DPF3: variants seen among roughly 807,000 people sequenced by gnomAD.
DPF3 encodes the protein double PHD fingers 3, also known as zinc finger protein DPF3.
DPF3 carries 18 observed loss-of-function variants against 56.8 expected under a neutral mutation model. That is an observed-to-expected ratio of 0.32 (90% CI 0.22 to 0.47). DPF3 has a LOEUF of 0.47. Among genes scored for constraint, DPF3 ranks in the 20% least tolerant of loss-of-function variants. The probability of loss-of-function intolerance (pLI) is 1.00; values close to 1 mark genes in which losing one functional copy is unlikely to be tolerated. For synonymous variants in DPF3, 188 were observed against 180.2 expected, an observed-to-expected ratio of 1.04 and a Z score of -0.35; for missense variants, 403 against 488.8, an observed-to-expected ratio of 0.82 and a Z score of 1.65.
intron 8 of DPF3, among the ~76,000 whole-genome samples, chr14:72,632,481 T>C (rs1599318693): frequency 1.3e-5 from 2 of 151,940 alleles, no homozygotes; most frequent in South Asian, 4.2e-4. Flanking sequence ...GCTATAATTA[T>C]GTCAAAATAA....
intron 1 of DPF3, among the ~76,000 whole-genome samples, chr14:72,849,191 A>G (rs1223104302): frequency 6.6e-6 from 1 of 152,082 alleles, no homozygotes; most frequent in Non-Finnish European, 1.5e-5. Context: ...AATATTCCCC[A>G]CTATGGTTAT....
intron 8 of DPF3, chr14:72,662,577 G>GA (rs923464374): frequency 1.2e-4 from 121 of 974,058 alleles, no homozygotes; most frequent in Middle Eastern, 5.2e-4. Flanking sequence ...GATTTAAAAA[G>GA]AAAAAAAAAA....
intron 7 of DPF3, among the ~76,000 whole-genome samples, chr14:72,688,954 G>C (rs1286898246): frequency 6.6e-6 from 1 of 152,140 alleles, no homozygotes; most frequent in Non-Finnish European, 1.5e-5. Context: ...CACAGGAAAG[G>C]GGACAAACGT....
intron 7 of DPF3, among the ~76,000 whole-genome samples, chr14:72,683,144 T>C (rs368916687): frequency 6.6e-6 from 1 of 151,848 alleles, no homozygotes; most frequent in Admixed American, 6.5e-5. Context: ...CTGGCTAACA[T>C]AGCAAAACCC....
intron 9 of DPF3, among the ~76,000 whole-genome samples, chr14:72,626,890 T>C (rs1457369579): frequency 6.6e-6 from 1 of 152,052 alleles, no homozygotes; most frequent in African/African-American, 2.4e-5. Flanking sequence ...AGAAATGATA[T>C]CTCAGCTTTG....
chr14:72,843,543 AT>A (rs890436324), intron 1 of DPF3, among the ~76,000 whole-genome samples: 2 of 151,930 alleles, frequency 1.3e-5, no homozygotes, highest in Admixed American at 6.6e-5. Flanking sequence ...GCTGCTAACA[AT>A]TTTTTTCTCT....
At chr14:72,628,353 G>A (rs1269932738) in intron 9 of DPF3, among the ~76,000 whole-genome samples, 1 of 151,836 alleles carries the variant, frequency 6.6e-6, no homozygotes, top group Non-Finnish European at 1.5e-5. Flanking sequence ...TTTTAAAACT[G>A]ACAAAGGGAA....
intron 2 of DPF3, among the ~76,000 whole-genome samples, chr14:72,755,340 G>C (rs1407459257): frequency 6.6e-6 from 1 of 152,162 alleles, no homozygotes; most frequent in Admixed American, 6.5e-5. Flanking sequence ...ACTCTGCTTG[G>C]AGCTTTAGAC....
At chr14:72,838,631 G>A (rs529763729) in intron 1 of DPF3, among the ~76,000 whole-genome samples, 49 of 151,652 alleles carry the variant, frequency 3.2e-4, no homozygotes, top group African/African-American at 1.1e-3. Flanking sequence ...CCGAGGTGGC[G>A]GTGTAATCCC....
At chr14:72,815,097 G>A (rs1883228092) in intron 1 of DPF3, among the ~76,000 whole-genome samples, 2 of 152,102 alleles carry the variant, frequency 1.3e-5, no homozygotes, top group Admixed American at 6.5e-5. Context: ...GATAAAGGAT[G>A]TTTAGTCAGA....
Position 72,856,355 on chromosome 14 carries a change from C to T in DPF3, c.32+37702G>A, listed in dbSNP as rs187570069. On this transcript the variant is annotated intron_variant, in intron 1 of 10. Coordinates refer to ENST00000556509, the MANE Select transcript of DPF3 (RefSeq NM_001280542.3). ...CATCCATCTTGCAGCCAGCAGGACT[C>T]CCAGCCAGAACATTGTCAATTTACT... 1.4e-3 allele frequency among the ~76,000 whole-genome samples: 220 copies of T among 152,310 alleles called. 2 individuals are homozygous for T. Among genetic ancestry groups the T allele is most frequent in the Non-Finnish European group, 2.9e-4 (20 of 68,034 alleles).
intron 1 of DPF3, among the ~76,000 whole-genome samples, chr14:72,838,905 A>ATTTTTTTTTTTT (rs1409942522): frequency 1.6e-5 from 1 of 64,480 alleles, no homozygotes; most frequent in African/African-American, 6.7e-5. Context: ...TATCATATAT[A>ATTTTTTTTTTTT]TTCTTTTTTT....
intron 6 of DPF3, among the ~76,000 whole-genome samples, chr14:72,702,884 C>T (rs2153574311): frequency 6.6e-6 from 1 of 151,714 alleles, no homozygotes; most frequent in East Asian, 1.9e-4. Context: ...TCTCCTCCCT[C>T]CCCTGCCCTT....
chr14:72,876,426 T>C (rs547868839), intron 1 of DPF3, among the ~76,000 whole-genome samples: 1 of 152,264 alleles, frequency 6.6e-6, no homozygotes, highest in East Asian at 1.9e-4. Flanking sequence ...GCCTCTCTTT[T>C]GGACGATGAG....
At chr14:72,876,708 C>G (rs966976822) in intron 1 of DPF3, among the ~76,000 whole-genome samples, 1 of 152,202 alleles carries the variant, frequency 6.6e-6, no homozygotes, top group African/African-American at 2.4e-5. Flanking sequence ...GCCTCACCCT[C>G]CCGAGCCTAA....
At chr14:72,723,881 T>C (rs1889286863) in intron 4 of DPF3, 153 bp from the exon 5 acceptor site, 2 of 684,962 alleles carry the variant, frequency 2.9e-6, no homozygotes, top group South Asian at 4.0e-5. Flanking sequence ...TCTGAAATGC[T>C]GTCTGGAGTT....
rs1474424315 is a variant in DPF3, at chr14:72,849,050, G to A, written c.32+45007C>T. Reference sequence around the variant, plus strand: ...ATGAACAAACCAGGCCCCCAAAAAAGTTAAATAACTTGCCCTAGCTGCATG... The same window carrying A: ...ATGAACAAACCAGGCCCCCAAAAAAATTAAATAACTTGCCCTAGCTGCATG... On this transcript the variant is annotated intron_variant, in intron 1 of 10. Coordinates refer to ENST00000556509, the MANE Select transcript of DPF3 (RefSeq NM_001280542.3). 2.6e-5 allele frequency among the ~76,000 whole-genome samples: 4 copies of A among 152,280 alleles called. No homozygotes were observed. In the East Asian group the frequency reaches 7.7e-4, roughly 29 times the overall value.
chr14:72,689,756 G>A (rs1223721064), intron 7 of DPF3, among the ~76,000 whole-genome samples: 1 of 152,176 alleles, frequency 6.6e-6, no homozygotes, highest in Non-Finnish European at 1.5e-5. Context: ...CGTGTGTGGT[G>A]CAGAGAACCT....
At chr14:72,687,845 G>C (rs1887478684) in intron 7 of DPF3, among the ~76,000 whole-genome samples, 1 of 152,064 alleles carries the variant, frequency 6.6e-6, no homozygotes, top group Non-Finnish European at 1.5e-5. Flanking sequence ...CCCATCCTTG[G>C]AGTCTCTGTT....
Sources: gnomAD v4.1 joint callset for allele counts (sites outside exome capture counted in the v4.1 genomes callset) on GRCh38, gnomAD v4.1.1 for gene constraint, MANE v1.5 for transcripts, NCBI Gene and HGNC (gene_info 2026-07-23, HGNC 2026-07-21) for gene names.